Variants in GLCCI1 observed in about 807,000 individuals in gnomAD.
GLCCI1 encodes the protein glucocorticoid induced 1, also known as glucocorticoid-induced transcript 1 protein.
GLCCI1 carries 24 observed loss-of-function variants against 52.2 expected under a neutral mutation model. The observed-to-expected ratio is 0.46, with a 90% CI of 0.33 to 0.65. The LOEUF is 0.65. Ranked by LOEUF, GLCCI1 falls within the 30% of genes least tolerant of loss-of-function variation. The probability of loss-of-function intolerance (pLI) is 0.02; values close to 1 mark genes in which losing one functional copy is unlikely to be tolerated. For synonymous variants in GLCCI1, 310 were observed against 276.5 expected (o/e 1.12, Z -1.20); for missense variants, 704 against 701.5 (o/e 1.00, Z -0.04).
chr7:8,009,809 T>A (rs977140182), intron 2 of GLCCI1, among the ~76,000 whole-genome samples: 1 of 152,084 alleles, frequency 6.6e-6, no homozygotes, highest in African/African-American at 2.4e-5. Flanking sequence ...TTTAAACAAA[T>A]TTTTGTAGGC....
chr7:8,019,847 C>T (rs1274911476), intron 2 of GLCCI1, among the ~76,000 whole-genome samples: 2 of 152,106 alleles, frequency 1.3e-5, no homozygotes, highest in African/African-American at 4.8e-5. Flanking sequence ...GGGCATGTAC[C>T]ATGGAATGGA....
At chr7:8,017,114 G>A (rs536213647) in intron 2 of GLCCI1, among the ~76,000 whole-genome samples, 25 of 152,148 alleles carry the variant, frequency 1.6e-4, no homozygotes, top group Non-Finnish European at 3.4e-4. Context: ...GCAGGAGAGC[G>A]TATTTACATT....
intron 3 of GLCCI1, among the ~76,000 whole-genome samples, chr7:8,043,331 T>TAAA (rs59268355): frequency 4.2e-4 from 60 of 142,854 alleles, no homozygotes; most frequent in Admixed American, 1.6e-3. Flanking sequence ...AATGCTGTGG[T>TAAA]AAAAAAAAAA....
intron 3 of GLCCI1, among the ~76,000 whole-genome samples, chr7:8,024,415 C>CT (rs559729472): frequency 1.3e-5 from 2 of 152,250 alleles, no homozygotes; most frequent in South Asian, 4.1e-4. Flanking sequence ...AACTACATGT[C>CT]TATGTATAGC....
At chr7:7,986,157 A>G (rs1780724613) in intron 1 of GLCCI1, among the ~76,000 whole-genome samples, 1 of 152,210 alleles carries the variant, frequency 6.6e-6, no homozygotes, top group Admixed American at 6.5e-5. Context: ...TTTTTCACAA[A>G]ATAGAATATA....
chr7:8,069,690 C>T (rs1278659545), intron 5 of GLCCI1, among the ~76,000 whole-genome samples: 2 of 152,228 alleles, frequency 1.3e-5, no homozygotes, highest in Non-Finnish European at 2.9e-5. Flanking sequence ...AGGGGCAGAA[C>T]TCTAAATGAA....
Position 8,035,855 on chromosome 7 carries a change from C to G in GLCCI1, c.696+13286C>G, listed in dbSNP as rs140180427. On this transcript the variant is annotated intron_variant, in intron 3 of 7. Coordinates refer to ENST00000223145, the MANE Select transcript of GLCCI1 (RefSeq NM_138426.4). ...CCCCACATAGAGAGCTTGTCACATT[C>G]TACCAGGAGCTCCTCTCACCACCCG... Among the ~76,000 whole-genome samples, 108 of 152,312 alleles carry G rather than the reference C, an allele frequency of 7.1e-4. 1 individual carries two copies. The South Asian group carries it at 7.5e-3, about 11-fold the overall frequency.
At chr7:8,041,188 G>T (rs1194229369) in intron 3 of GLCCI1, among the ~76,000 whole-genome samples, 1 of 152,152 alleles carries the variant, frequency 6.6e-6, no homozygotes, top group Non-Finnish European at 1.5e-5. Context: ...AAATTTGAGT[G>T]GACTAGATAA....
At chr7:8,056,709 T>A (rs1409771759) in intron 4 of GLCCI1, among the ~76,000 whole-genome samples, 1 of 152,218 alleles carries the variant, frequency 6.6e-6, no homozygotes, top group African/African-American at 2.4e-5. Flanking sequence ...GTTGATTTTT[T>A]AGATGCTGAA....
At chr7:8,061,947 A>G (rs1169764149) in intron 5 of GLCCI1, among the ~76,000 whole-genome samples, 1 of 151,982 alleles carries the variant, frequency 6.6e-6, no homozygotes, top group East Asian at 1.9e-4. Context: ...GATTACAGGC[A>G]TGAGCCACTG....
chr7:8,001,737 A>C (rs923294193), intron 1 of GLCCI1, among the ~76,000 whole-genome samples: 1 of 152,248 alleles, frequency 6.6e-6, no homozygotes. Context: ...GATTAAGAAA[A>C]TGTGGCATAT....
chr7:8,003,924 T>C lies in GLCCI1; in HGVS notation c.474T>C (p.Ser158=), dbSNP rs771738811. The C allele has an allele frequency of 6.2e-6, 10 of 1,611,752 alleles. No homozygotes were observed. The South Asian group carries it at 1.1e-4, about 18-fold the overall frequency. Residue 158 remains serine (S), a synonymous_variant, in exon 2 of 8, where the codon TCT becomes TCC. Coordinates refer to ENST00000223145, the MANE Select transcript of GLCCI1 (RefSeq NM_138426.4). ...TTTCTGTAGCGGACAAGGCAAAATCTCAGCAAGTTCGGACCTCTAGTACAA... is the reference window on the plus strand; with the variant it reads ...TTTCTGTAGCGGACAAGGCAAAATCCCAGCAAGTTCGGACCTCTAGTACAA... ...SPVCRADKAK[S]QQVRTSSTIR...
intron 7 of GLCCI1, among the ~76,000 whole-genome samples, chr7:8,085,754 C>G (rs1053108091): frequency 6.6e-6 from 1 of 152,094 alleles, no homozygotes; most frequent in African/African-American, 2.4e-5. Flanking sequence ...CCCCACTCCA[C>G]CCCCCATCTG....
intron 7 of GLCCI1, among the ~76,000 whole-genome samples, chr7:8,085,477 T>C (rs1783085346): frequency 6.6e-6 from 1 of 152,232 alleles, no homozygotes; most frequent in South Asian, 2.1e-4. Flanking sequence ...TTTTAATATG[T>C]GTAAGTTAGA....
intron 3 of GLCCI1, among the ~76,000 whole-genome samples, chr7:8,040,834 A>G (rs998976043): frequency 4.6e-5 from 7 of 152,338 alleles, no homozygotes; most frequent in African/African-American, 1.7e-4. Context: ...AAATGTATGC[A>G]TGTGCTTTGC....
Position 8,053,323 on chromosome 7 carries a change from T to TTTG in GLCCI1, c.697-2108_697-2107insGTT, listed in dbSNP as rs1554262342. On this transcript the variant is annotated intron_variant, in intron 3 of 7. Transcript: ENST00000223145. Reference sequence around the variant, plus strand: ...TGTTTTTTTTTGTTTTCGTTTTTTTTTTTGTTTGTTTGTTTGTTTTGAGAC... The same window carrying TTTG: ...TGTTTTTTTTTGTTTTCGTTTTTTTTTTGTTTGTTTGTTTGTTTGTTTTGAGAC... Among the ~76,000 whole-genome samples the TTTG allele has an allele frequency of 2.6e-3, 348 of 136,160 alleles. 2 individuals are homozygous for TTTG. The highest frequency in any genetic ancestry group is 9.7e-3 in the African/African-American group (336 of 34,504). The allele number at this position is 136,160 out of a possible 152,430, so 89.3% of individuals were successfully genotyped here. A position where few individuals can be genotyped will look rare whatever the true frequency, so the allele number is the denominator to read the frequency against.
intron 6 of GLCCI1, among the ~76,000 whole-genome samples, chr7:8,073,682 A>G (rs11976862): frequency 0.42 from 63,682 of 152,016 alleles, 13,575 homozygotes; most frequent in Middle Eastern, 0.52. Context: ...GCACATGGCA[A>G]ACAATTAGTG....
At chr7:8,007,739 G>T (rs992104050) in intron 2 of GLCCI1, among the ~76,000 whole-genome samples, 6 of 151,838 alleles carry the variant, frequency 4.0e-5, no homozygotes. Context: ...CTTGGTGGAG[G>T]GTGTCTTGAG....
chr7:8,015,981 T>G (rs1317205248), intron 2 of GLCCI1, among the ~76,000 whole-genome samples: 1 of 152,202 alleles, frequency 6.6e-6, no homozygotes, highest in East Asian at 1.9e-4. Flanking sequence ...TAGGTAAAAT[T>G]GTGAAATAGG....
Sources: gnomAD v4.1 joint callset for allele counts (sites outside exome capture counted in the v4.1 genomes callset) on GRCh38, gnomAD v4.1.1 for gene constraint, MANE v1.5 for transcripts, NCBI Gene and HGNC (gene_info 2026-07-23, HGNC 2026-07-21) for gene names.